Variants in PARP10 observed in about 807,000 individuals in gnomAD.
PARP10 encodes the protein protein mono-ADP-ribosyltransferase PARP10.
A neutral mutation model predicts 82.4 loss-of-function variants in PARP10; 56 were observed. That is an observed-to-expected ratio of 0.68 (90% CI 0.55 to 0.85). PARP10 has a LOEUF of 0.85. Among genes scored for constraint, PARP10 ranks in the 40% least tolerant of loss-of-function variants. PARP10 has a pLI of 0.00. For missense variants in PARP10, 1,227 were observed against 1,379.4 expected (o/e 0.89, Z 1.75); for synonymous variants, 576 against 601.1 (o/e 0.96, Z 0.61).
chr8:143,995,221 C>A (rs1554751188), upstream of PARP10, among the ~76,000 whole-genome samples: 1 of 152,148 alleles, frequency 6.6e-6, no homozygotes, highest in Non-Finnish European at 1.5e-5. Flanking sequence ...GCAGGGGCCA[C>A]AGCTGGGTTT....
At chr8:144,004,944 C>G (rs553331768) in intron 1 of PARP10, among the ~76,000 whole-genome samples, 1 of 151,968 alleles carries the variant, frequency 6.6e-6, no homozygotes, top group African/African-American at 2.4e-5. Context: ...TTTGGGAGGC[C>G]GAGGCGGGCA....
In PARP10 at chr8:144,008,210, C is replaced by T. The variant is rs1429578732; in HGVS notation, c.-80+4320G>A. Reference sequence around the variant, plus strand: ...GATAGCTGCTTCCCAGGAGGTGCCTCTCAGCGCACCCAGCATGGAGGCAGC... The same window carrying T: ...GATAGCTGCTTCCCAGGAGGTGCCTTTCAGCGCACCCAGCATGGAGGCAGC... On this transcript the variant is annotated intron_variant, in intron 1 of 3. Transcript: ENST00000530478. The surrounding 1 kb of genome is among the most constrained non-coding windows in gnomAD (Gnocchi z 4.0). Among the ~76,000 whole-genome samples the T allele has an allele frequency of 1.3e-5, 2 of 152,164 alleles. No homozygotes were observed. The highest frequency in any genetic ancestry group is 2.4e-5 in the African/African-American group (1 of 41,426).
rs782691265 is a variant in PARP10, at chr8:143,983,390, G to A, written c.2199C>T (p.His733=). 11 of 1,605,296 alleles carry A rather than the reference G, an allele frequency of 6.9e-6. No homozygotes were observed. Among genetic ancestry groups the A allele is most frequent in the Admixed American group, 6.7e-5 (4 of 59,844 alleles). Residue 733 remains histidine, a synonymous_variant, in exon 8 of 11, where the codon CAC becomes CAT. Coordinates refer to ENST00000313028, the MANE Select transcript of PARP10 (RefSeq NM_032789.5). The part of the protein sequence containing the change: ...DRALRAALEV[H]VQEETVGPWR... ...AGGGCCCCACCGTCTCCTCCTGGACGTGGACCTCCAAGGCAGCCCTGAGCG... is the reference window on the plus strand; with the variant it reads ...AGGGCCCCACCGTCTCCTCCTGGACATGGACCTCCAAGGCAGCCCTGAGCG...
At chr8:144,005,909 C>A (rs1252742374) in intron 1 of PARP10, among the ~76,000 whole-genome samples, 1 of 152,202 alleles carries the variant, frequency 6.6e-6, no homozygotes, top group Non-Finnish European at 1.5e-5. Context: ...AGACCACCAC[C>A]ACATTGACCA....
chr8:144,001,719 GAAGAGAA>G (rs1297118747), intron 1 of PARP10, among the ~76,000 whole-genome samples: 2 of 151,304 alleles, frequency 1.3e-5, no homozygotes, highest in African/African-American at 4.9e-5. Context: ...AAAGAGAAGA[GAAGAGAA>G]AAGAGAAAAG....
rs1284539063 is a variant in PARP10 at position 144,008,279 on chromosome 8, G to A, written c.-80+4251C>T. Among the ~76,000 whole-genome samples the A allele has an allele frequency of 5.9e-5, 9 of 152,214 alleles. No homozygotes were observed. The East Asian group carries it at 9.6e-4, about 16-fold the overall frequency. On this transcript the variant is annotated intron_variant, in intron 1 of 3. Transcript: ENST00000530478. The surrounding 1 kb of genome is among the most constrained non-coding windows in gnomAD (Gnocchi z 4.0). ...TGGATGGAACAGAGGGCTCCCGGCT[G>A]CAGGCCCCCATTCTTCGGCAACTTT...
chr8:143,977,305 A>G lies in PARP10; in HGVS notation c.*179T>C, dbSNP rs190409081. ...GTGGGGTCGGCCCAGGCTGGGACCT[A>G]GCCCGGCCCCCCTCGGCCGCTGCTG... On this transcript the variant is annotated 3_prime_UTR_variant, in exon 11 of 11. Coordinates refer to ENST00000313028, the MANE Select transcript of PARP10 (RefSeq NM_032789.5). 3.7e-4 allele frequency: 255 copies of G among 686,788 alleles called. 1 individual carries two copies. The African/African-American group carries it at 4.1e-3, about 11-fold the overall frequency. 42.5% of individuals were successfully genotyped at this position (686,788 alleles called of 1,614,324 possible). A position where few individuals can be genotyped will look rare whatever the true frequency, so the allele number is the denominator to read the frequency against.
At position 143,983,337 on chromosome 8, in the gene PARP10, C is replaced by T. The variant is rs200251958; in HGVS notation, c.2252G>A (p.Arg751His). The part of the protein sequence containing the change: ...PWRRTLPAEL[R>H]ARLERCHGVS... ...ACCATGGCACCGCTCCAGGCGAGCA[C>T]GCAGCTCTGCAGGCAGTGTGCGGCG... Residue 751 changes from arginine (R) to histidine (H), a missense_variant, in exon 8 of 11, where the codon CGT (arginine) becomes CAT (histidine). By Grantham distance (29) the Arg-to-His change is conservative. Coordinates refer to ENST00000313028, the MANE Select transcript of PARP10 (RefSeq NM_032789.5). The T allele has an allele frequency of 2.5e-5, 41 of 1,610,388 alleles. No individual in the cohort carries two copies. Among genetic ancestry groups the T allele is most frequent in the South Asian group, 1.2e-4 (11 of 90,780 alleles).
intron 1 of PARP10, among the ~76,000 whole-genome samples, chr8:144,003,700 G>A (rs1834217467): frequency 6.6e-6 from 1 of 151,968 alleles, no homozygotes; most frequent in Non-Finnish European, 1.5e-5. Flanking sequence ...GTTCTAGAAA[G>A]GAGGCAACTC....
Position 143,983,380 on chromosome 8 carries a change from C to A in PARP10, c.2209G>T (p.Glu737Ter). The A allele has an allele frequency of 6.2e-7, 1 of 1,606,032 alleles. No individual in the cohort carries two copies. The highest frequency in any genetic ancestry group is 8.5e-7 in the Non-Finnish European group (1 of 1,179,118). ...GTGCGGCGCCAGGGCCCCACCGTCT[C>A]CTCCTGGACGTGGACCTCCAAGGCA... ...RAALEVHVQE[E>*]TVGPWRRTLP... Residue 737 changes from glutamate to a stop codon, truncating the protein, a stop_gained, in exon 8 of 11, where the codon GAG becomes TAG. Coordinates refer to ENST00000313028, the MANE Select transcript of PARP10 (RefSeq NM_032789.5). LOFTEE classifies it high-confidence loss of function.
In PARP10 at chr8:143,977,355, T is replaced by C. The variant is rs1452556587; in HGVS notation, c.*129A>G. ...GACCGCCATCCCCCACACCGCCTTC[T>C]GGAGCCCGCAGAGGGAGGCAGGGGC... On this transcript the variant is annotated 3_prime_UTR_variant, in exon 11 of 11. Coordinates refer to ENST00000313028, the MANE Select transcript of PARP10 (RefSeq NM_032789.5). 25 of 986,470 alleles carry C rather than the reference T, an allele frequency of 2.5e-5. No individual in the cohort carries two copies. Among genetic ancestry groups the C allele is most frequent in the Non-Finnish European group, 2.9e-5 (20 of 691,442 alleles). 61.1% of individuals were successfully genotyped at this position (986,470 alleles called of 1,614,324 possible). A position where few individuals can be genotyped will look rare whatever the true frequency, so the allele number is the denominator to read the frequency against.
At chr8:143,992,530 C>A (rs575948047), upstream of PARP10, 2 of 1,614,152 alleles carry the variant, frequency 1.2e-6, no homozygotes, top group Admixed American at 1.7e-5. Flanking sequence ...TCTTCATCTT[C>A]GCCATTCTCT....
At chr8:144,006,315 C>A (rs1186381099) in intron 1 of PARP10, among the ~76,000 whole-genome samples, 2 of 152,244 alleles carry the variant, frequency 1.3e-5, no homozygotes, top group Non-Finnish European at 2.9e-5. Flanking sequence ...ATCTCACACT[C>A]ACAACGACAG....
chr8:144,009,559 T>C (rs1554752292), intron 1 of PARP10, among the ~76,000 whole-genome samples: 1 of 152,200 alleles, frequency 6.6e-6, no homozygotes, highest in Non-Finnish European at 1.5e-5. Flanking sequence ...AGTTGCCATC[T>C]AGGAGCTGAT....
chr8:143,992,960 AG>A, upstream of PARP10: 2 of 826,426 alleles, frequency 2.4e-6, no homozygotes, highest in South Asian at 3.4e-5. Flanking sequence ...CCTAGGGAAA[AG>A]GATGCCTCTC....
chr8:143,991,928 T>C (rs781792406), upstream of PARP10: 2 of 1,613,750 alleles, frequency 1.2e-6, no homozygotes, highest in Non-Finnish European at 1.7e-6. Flanking sequence ...CCACGGTGTC[T>C]GTGTTCACTT....
chr8:143,991,467 G>C (rs782526354), upstream of PARP10: 2 of 1,500,814 alleles, frequency 1.3e-6, no homozygotes, highest in Non-Finnish European at 1.8e-6. Flanking sequence ...CTACCCACAG[G>C]GCCCCTACCC....
chr8:143,979,597 T>C (rs1203945247), intron 9 of PARP10, among the ~76,000 whole-genome samples: 3 of 152,220 alleles, frequency 2.0e-5, no homozygotes, highest in African/African-American at 7.2e-5. Context: ...AAAATACCTC[T>C]AATTGTAAAG....
At chr8:144,005,502 G>A (rs1554752026) in intron 1 of PARP10, among the ~76,000 whole-genome samples, 1 of 152,078 alleles carries the variant, frequency 6.6e-6, no homozygotes, top group Non-Finnish European at 1.5e-5. Flanking sequence ...TTAAAAATCA[G>A]GACAGTTCTT....
Sources: allele counts gnomAD v4.1 joint callset (sites outside exome capture counted in the v4.1 genomes callset), GRCh38; gene constraint gnomAD v4.1.1; non-coding constraint Gnocchi (gnomAD v3.1); transcripts MANE v1.5; gene names NCBI Gene and HGNC (gene_info 2026-07-23, HGNC 2026-07-21).